DLGAP2: variants seen among roughly 807,000 people sequenced by gnomAD.
The protein encoded by DLGAP2 is disks large-associated protein 2.
DLGAP2 carries 26 observed loss-of-function variants against 100.3 expected under a neutral mutation model. The observed-to-expected ratio is 0.26, with a 90% confidence interval of 0.19 to 0.36. The LOEUF (loss-of-function observed/expected upper bound fraction) is 0.36, where lower values mean the gene tolerates loss of function less well. Ranked by LOEUF, DLGAP2 falls within the 10% of genes least tolerant of loss-of-function variation. DLGAP2 has a pLI of 1.00. For missense variants in DLGAP2, 1,858 were observed against 1,453.2 expected, an observed-to-expected ratio of 1.28 and a Z score of -4.53; for synonymous variants, 886 against 630.1, an observed-to-expected ratio of 1.41 and a Z score of -6.08.
At position 1,619,760 on chromosome 8, in the gene DLGAP2, T is replaced by C. The variant is rs572878810; in HGVS notation, c.1443-6980T>C. Reference sequence around the variant, plus strand: ...ACTACTGTCCTCATTGTACGTTGCATAGATTAAGAGATTTGTCCAAATGAC... The same window carrying C: ...ACTACTGTCCTCATTGTACGTTGCACAGATTAAGAGATTTGTCCAAATGAC... On this transcript the variant is annotated intron_variant, in intron 6 of 14. Coordinates refer to ENST00000637795, the MANE Select transcript of DLGAP2 (RefSeq NM_001346810.2). 2.0e-5 allele frequency: 3 copies of C among 152,332 alleles called. No homozygotes were observed. In the South Asian group the frequency reaches 6.2e-4, roughly 32 times the overall value. The allele number at this position is 152,332 out of a possible 1,614,324, so 9.4% of individuals were successfully genotyped here. A position where few individuals can be genotyped will look rare whatever the true frequency, so the allele number is the denominator to read the frequency against.
chr8:1,182,145 G>T (rs1194576853), intron 2 of DLGAP2, among the ~76,000 whole-genome samples: 1 of 152,240 alleles, frequency 6.6e-6, no homozygotes. Flanking sequence ...GAGGTGGCGA[G>T]TCATGTGTGG....
chr8:963,208 G>A (rs1258584616), intron 2 of DLGAP2, among the ~76,000 whole-genome samples: 1 of 151,880 alleles, frequency 6.6e-6, no homozygotes. Context: ...TGCCTGCAGG[G>A]AGCAGAGGTG....
intron 2 of DLGAP2, among the ~76,000 whole-genome samples, chr8:1,251,743 A>T (rs768899796): frequency 1.3e-5 from 2 of 152,132 alleles, no homozygotes; most frequent in Admixed American, 6.6e-5. Flanking sequence ...TCATATAGTC[A>T]TTGTCGTACA....
chr8:1,381,567 G>A (rs537974888), intron 3 of DLGAP2, among the ~76,000 whole-genome samples: 6 of 152,130 alleles, frequency 3.9e-5, no homozygotes, highest in Non-Finnish European at 8.8e-5. Flanking sequence ...CCTTTGGTTA[G>A]CATCTCCCCG....
At chr8:1,422,293 G>C (rs993786068) in intron 3 of DLGAP2, among the ~76,000 whole-genome samples, 1 of 152,172 alleles carries the variant, frequency 6.6e-6, no homozygotes, top group African/African-American at 2.4e-5. Flanking sequence ...TGTCATTCTA[G>C]TTTTCACAAT....
At chr8:1,218,113 A>G (rs1318469110) in intron 2 of DLGAP2, among the ~76,000 whole-genome samples, 1 of 152,078 alleles carries the variant, frequency 6.6e-6, no homozygotes, top group East Asian at 1.9e-4. Context: ...CCACTTGTCA[A>G]TTTTTGTTTT....
intron 3 of DLGAP2, among the ~76,000 whole-genome samples, chr8:1,416,558 C>G (rs565942443): frequency 6.6e-6 from 1 of 152,170 alleles, no homozygotes; most frequent in South Asian, 2.1e-4. Flanking sequence ...AACCAGAACC[C>G]CTCTGCCTCC....
chr8:1,093,949 G>T (rs949591848), intron 2 of DLGAP2, among the ~76,000 whole-genome samples: 5 of 146,046 alleles, frequency 3.4e-5, no homozygotes, highest in Admixed American at 7.0e-5. Flanking sequence ...GTGTGCAGGT[G>T]CTTGTGGATG....
At chr8:1,029,248 A>G (rs1801904553) in intron 2 of DLGAP2, among the ~76,000 whole-genome samples, 1 of 152,170 alleles carries the variant, frequency 6.6e-6, no homozygotes, top group African/African-American at 2.4e-5. Flanking sequence ...CCAGATTTGG[A>G]TGTCAACTGA....
At chr8:1,664,975 G>A (rs1052166379) in intron 8 of DLGAP2, among the ~76,000 whole-genome samples, 1 of 152,160 alleles carries the variant, frequency 6.6e-6, no homozygotes, top group Non-Finnish European at 1.5e-5. Flanking sequence ...GTACGCTGGA[G>A]GTGAACTGCT....
chr8:1,056,295 G>A (rs769436428), intron 2 of DLGAP2, among the ~76,000 whole-genome samples: 5 of 152,118 alleles, frequency 3.3e-5, no homozygotes, highest in African/African-American at 4.8e-5. Flanking sequence ...CCCCTCTAAC[G>A]CATCCCATAG....
intron 4 of DLGAP2, among the ~76,000 whole-genome samples, chr8:1,508,187 G>A (rs1347702620): frequency 2.6e-5 from 4 of 151,648 alleles, no homozygotes; most frequent in Non-Finnish European, 5.9e-5. Context: ...CTGAATTTCT[G>A]GGGTGCATTT....
At chr8:1,547,644 G>A (rs1295006781) in intron 4 of DLGAP2, among the ~76,000 whole-genome samples, 1 of 152,196 alleles carries the variant, frequency 6.6e-6, no homozygotes, top group African/African-American at 2.4e-5. Context: ...CAGGGAGAGA[G>A]GAGAGAGCAA....
chr8:1,036,605 G>A (rs1218793763), intron 2 of DLGAP2, among the ~76,000 whole-genome samples: 1 of 152,150 alleles, frequency 6.6e-6, no homozygotes, highest in Non-Finnish European at 1.5e-5. Context: ...GGGGTTATAA[G>A]GGGAGGCCTG....
chr8:1,114,200 A>T lies in DLGAP2; in HGVS notation c.74-144651A>T, dbSNP rs60997550. 4.6e-5 allele frequency among the ~76,000 whole-genome samples: 7 copies of T among 152,154 alleles called. No individual in the cohort carries two copies. In the East Asian group the frequency reaches 1.2e-3, roughly 25 times the overall value. On this transcript the variant is annotated intron_variant, in intron 2 of 14. Transcript: ENST00000637795. ...TCTGCCAGGTTTTGGTATTAGGATG[A>T]CGCTGGCCTCATAGAATGAGTTGGG...
chr8:1,425,419 T>C lies in DLGAP2; in HGVS notation c.107-75947T>C, dbSNP rs563098787. Among the ~76,000 whole-genome samples, 147 of 152,302 alleles carry C rather than the reference T, an allele frequency of 9.7e-4. 1 individual carries two copies. Among genetic ancestry groups the C allele is most frequent in the African/African-American group, 3.4e-3 (141 of 41,568 alleles). ...CTTTGCTACTCGACAGCATCGCCCA[T>C]GGTACCAGGGACCCATCAGGAACCT... On this transcript the variant is annotated intron_variant, in intron 3 of 14. Coordinates refer to ENST00000637795, the MANE Select transcript of DLGAP2 (RefSeq NM_001346810.2).
intron 7 of DLGAP2, among the ~76,000 whole-genome samples, chr8:1,627,194 C>T (rs1267248109): frequency 6.6e-6 from 1 of 152,224 alleles, no homozygotes; most frequent in Non-Finnish European, 1.5e-5. Flanking sequence ...TCCTTCTTCC[C>T]AGGCTATTTT....
intron 2 of DLGAP2, among the ~76,000 whole-genome samples, chr8:1,185,723 ACACT>A (rs78430161): frequency 0.24 from 19,118 of 79,078 alleles, 1,290 homozygotes; most frequent in East Asian, 0.32. Context: ...ACACACACAC[ACACT>A]CACACTCACA....
intron 2 of DLGAP2, among the ~76,000 whole-genome samples, chr8:1,049,318 C>A (rs1228267982): frequency 2.6e-5 from 4 of 152,098 alleles, no homozygotes; most frequent in Non-Finnish European, 5.9e-5. Context: ...TGTTCTACTT[C>A]TATAATTTTA....
Sources: allele counts gnomAD v4.1 joint callset (sites outside exome capture counted in the v4.1 genomes callset), GRCh38; gene constraint gnomAD v4.1.1; transcripts MANE v1.5; gene names NCBI Gene and HGNC (gene_info 2026-07-23, HGNC 2026-07-21).